Variants in EXOSC3 observed in about 807,000 individuals in gnomAD.
EXOSC3 encodes exosome complex component RRP40.
In EXOSC3, 18 loss-of-function variants were observed where a neutral mutation model predicts 25.1. The observed-to-expected ratio is 0.72, with a 90% CI of 0.50 to 1.06. EXOSC3 has a LOEUF of 1.06. Among genes scored for constraint, EXOSC3 ranks in the 50% least tolerant of loss-of-function variants. EXOSC3 has a pLI of 0.00. For missense variants in EXOSC3, 382 were observed against 350.9 expected, an observed-to-expected ratio of 1.09 and a Z score of -0.71; for synonymous variants, 165 against 132.2, an observed-to-expected ratio of 1.25 and a Z score of -1.70.
chr9:37,782,915 T>TA (rs1370719150), intron 2 of EXOSC3, among the ~76,000 whole-genome samples: 2 of 152,160 alleles, frequency 1.3e-5, no homozygotes, highest in African/African-American at 4.8e-5. Context: ...AGAGCAAAGA[T>TA]ACGAGAAAAG....
intron 3 of EXOSC3, 62 bp from the exon 4 acceptor site, chr9:37,780,942 CT>C: frequency 7.1e-7 from 1 of 1,408,074 alleles, no homozygotes; most frequent in South Asian, 1.2e-5. Flanking sequence ...CCGGAGTCTC[CT>C]TTAGAATGTG....
chr9:37,784,859 C>T lies in EXOSC3; in HGVS notation c.186G>A (p.Arg62=), dbSNP rs1182020703. Residue 62 remains arginine (R), a synonymous_variant, in exon 1 of 4, where the codon CGG becomes CGA. Transcript: ENST00000327304. ...GGCCCGGACCGCATACAACGCGCAC[C>T]CGCGAGCACGCTCTAGCATTCAGGC... is the stretch of plus-strand genomic sequence containing the variant. ...PLSLNARACS[R]VRVVCGPGLR... The T allele has an allele frequency of 1.2e-6, 2 of 1,607,880 alleles. No individual in the cohort carries two copies. The highest frequency in any genetic ancestry group is 3.4e-5 in the Admixed American group (2 of 59,132).
chr9:37,780,835 G>C lies in EXOSC3; in HGVS notation c.672C>G (p.Leu224=), dbSNP rs1195084367. ...TTCCAAATACTATCTCCAGTGGATAGAGTTTTCCCACTTCCTGTATGATTT... is the reference window on the plus strand; with the variant it reads ...TTCCAAATACTATCTCCAGTGGATACAGTTTTCCCACTTCCTGTATGATTT... ...DCEIIQEVGK[L]YPLEIVFGMN... The change falls in exon 4 of 4, where the codon CTC becomes CTG. Residue 224 remains leucine (L), a synonymous_variant. Coordinates refer to ENST00000327304, the MANE Select transcript of EXOSC3 (RefSeq NM_016042.4). 5.0e-6 allele frequency: 8 copies of C among 1,613,496 alleles called. No homozygotes were observed. The South Asian group carries it at 6.6e-5, about 13-fold the overall frequency.
rs769410295 is a variant in EXOSC3, at chr9:37,785,054, C to T, written c.-10G>A. ...ACGCAGGTTCGGCCATCGCGGGCTC[C>T]ACCAAACACCGTTTCCGGTACCCGC... On this transcript the variant is annotated 5_prime_UTR_variant, in exon 1 of 4. Coordinates refer to ENST00000327304, the MANE Select transcript of EXOSC3 (RefSeq NM_016042.4). 1.1e-5 allele frequency: 18 copies of T among 1,586,330 alleles called. No individual in the cohort carries two copies. In the Admixed American group the frequency reaches 2.9e-4, roughly 25 times the overall value.
Position 37,780,681 on chromosome 9 carries a change from A to G in EXOSC3, c.826T>C (p.Ter276ArgextTer10), listed in dbSNP as rs1380136553. The G allele has an allele frequency of 6.2e-7, 1 of 1,613,054 alleles. No individual in the cohort carries two copies. The highest frequency in any genetic ancestry group is 2.2e-5 in the East Asian group (1 of 44,868). Residue 276 changes from the stop codon to arginine (R), a stop_lost, in exon 4 of 4, where the codon TGA becomes CGA. Coordinates refer to ENST00000327304, the MANE Select transcript of EXOSC3 (RefSeq NM_016042.4). ...ACCTGTAAAAAAGTCCACCTATATC[A>G]ACTTTCTGCCAATCTGGAGAAGATC... The part of the protein sequence containing the change: ...KQIFSRLAES[*>R]
chr9:37,780,926 G>C (rs1368069799), intron 3 of EXOSC3, 46 bp from the exon 4 acceptor site: 1 of 1,527,234 alleles, frequency 6.5e-7, no homozygotes, highest in South Asian at 1.2e-5. Flanking sequence ...AGTGGCAAAG[G>C]TGTGTCCGGA....
chr9:37,781,437 C>G (rs1170896335), intron 3 of EXOSC3, among the ~76,000 whole-genome samples: 2 of 149,074 alleles, frequency 1.3e-5, no homozygotes, highest in Non-Finnish European at 3.0e-5. Context: ...GAGTAAAGCC[C>G]CTGAATATGG....
At chr9:37,781,226 T>C (rs1378612484) in intron 3 of EXOSC3, among the ~76,000 whole-genome samples, 2 of 152,000 alleles carry the variant, frequency 1.3e-5, no homozygotes, top group Non-Finnish European at 2.9e-5. Context: ...CTTATTTTCC[T>C]GGCCATATTA....
rs1394905113 is a variant in EXOSC3, at chr9:37,784,483, C to T, written c.324+238G>A. On this transcript the variant is annotated intron_variant, in intron 1 of 3. Coordinates refer to ENST00000327304, the MANE Select transcript of EXOSC3 (RefSeq NM_016042.4). The stretch of plus-strand genomic sequence containing the variant: ...CAGGCCTGCTGTGGGGTTTTGAAGA[C>T]TATAATCATGACTCACGGTCTCCAA... 5.1e-6 allele frequency: 3 copies of T among 585,298 alleles called. No individual in the cohort carries two copies. In the South Asian group the frequency reaches 6.9e-5, roughly 14 times the overall value. 36.3% of individuals were successfully genotyped at this position (585,298 alleles called of 1,614,324 possible). A position where few individuals can be genotyped will look rare whatever the true frequency, so the allele number is the denominator to read the frequency against.
chr9:37,784,539 G>T (rs1469232320), intron 1 of EXOSC3, 182 bp downstream of exon 1: 1 of 702,262 alleles, frequency 1.4e-6, no homozygotes, highest in Non-Finnish European at 2.3e-6. Context: ...CCCTTCTCAG[G>T]CTATGTTCCT....
rs772977624 is a variant in EXOSC3 at position 37,780,865 on chromosome 9, A to G, written c.642T>C (p.Asp214=). 14 of 1,613,138 alleles carry G rather than the reference A, an allele frequency of 8.7e-6. No homozygotes were observed. Among genetic ancestry groups the G allele is most frequent in the South Asian group, 7.7e-5 (7 of 91,042 alleles). The change falls in exon 4 of 4, where the codon GAT becomes GAC. Residue 214 remains aspartate, a synonymous_variant. Transcript: ENST00000327304. ...TTCCCACTTCCTGTATGATTTCACAATCTGGAGCTAATAGCCTGGTGGGAA... is the reference window on the plus strand; with the variant it reads ...TTCCCACTTCCTGTATGATTTCACAGTCTGGAGCTAATAGCCTGGTGGGAA... ...LGLIRKLLAP[D]CEIIQEVGKL...
In EXOSC3 at chr9:37,784,073, G is replaced by T. The variant is rs753133011; in HGVS notation, c.325-10C>A. On this transcript the variant is annotated splice_polypyrimidine_tract_variant and intron_variant, in intron 1 of 3. Coordinates refer to ENST00000327304, the MANE Select transcript of EXOSC3 (RefSeq NM_016042.4). ...CTTTTACTGGAACATACTACAAAAA[G>T]AAACAGAATGAAAAAACAGCCATAA... 2 of 1,597,612 alleles carry T rather than the reference G, an allele frequency of 1.3e-6. No individual in the cohort carries two copies. The highest frequency in any genetic ancestry group is 4.5e-5 in the East Asian group (2 of 44,146).
In EXOSC3 at chr9:37,779,813, G is replaced by A. The variant is rs1828521277; in HGVS notation, c.*866C>T. 2 of 152,082 alleles carry A rather than the reference G, an allele frequency of 1.3e-5. No individual in the cohort carries two copies. The highest frequency in any genetic ancestry group is 4.8e-5 in the African/African-American group (2 of 41,426). 9.4% of individuals were successfully genotyped at this position (152,082 alleles called of 1,614,324 possible). ...GATCTGTATCTCACATATTCTCAGAGGTCTAGAAACCAAGAATCACTGATG... is the reference window on the plus strand; with the variant it reads ...GATCTGTATCTCACATATTCTCAGAAGTCTAGAAACCAAGAATCACTGATG... On this transcript the variant is annotated 3_prime_UTR_variant, in exon 4 of 4. Transcript: ENST00000327304.
chr9:37,784,980 G>T lies in EXOSC3; in HGVS notation c.65C>A (p.Thr22Lys). ...CGGGAGCACCACCTGACCTAGTACT[G>T]TGCGTGCAGCGCGCGCCCTGCTGCC... Reference protein sequence around the residue: ...LAGSRARAARTVLGQVVLPGE... With the variant: ...LAGSRARAARKVLGQVVLPGE... The change falls in exon 1 of 4, where the codon ACA becomes AAA. Residue 22 changes from threonine to lysine, a missense_variant. Coordinates refer to ENST00000327304, the MANE Select transcript of EXOSC3 (RefSeq NM_016042.4). The T allele has an allele frequency of 6.2e-7, 1 of 1,611,696 alleles. No individual in the cohort carries two copies. The highest frequency in any genetic ancestry group is 1.7e-5 in the Admixed American group (1 of 59,970).
rs778368932 is a variant in EXOSC3 at position 37,780,664 on chromosome 9, A to G, written c.*15T>C. 10 of 1,611,402 alleles carry G rather than the reference A, an allele frequency of 6.2e-6. No homozygotes were observed. The highest frequency in any genetic ancestry group is 8.5e-6 in the Non-Finnish European group (10 of 1,179,192). On this transcript the variant is annotated 3_prime_UTR_variant, in exon 4 of 4. Coordinates refer to ENST00000327304, the MANE Select transcript of EXOSC3 (RefSeq NM_016042.4). ...GTTTTTTGCCTCAACTGACCTGTAA[A>G]AAAGTCCACCTATATCAACTTTCTG...
In EXOSC3 at chr9:37,784,722, C is replaced by A; in HGVS notation, c.323G>T (p.Arg108Leu). The A allele has an allele frequency of 6.3e-7, 1 of 1,588,636 alleles. No homozygotes were observed. Among genetic ancestry groups the A allele is most frequent in the Non-Finnish European group, 8.5e-7 (1 of 1,170,518 alleles). ...GVYWVDSQQKRYVPVKGDHVI... is the reference protein window; with the variant it reads ...GVYWVDSQQKLYVPVKGDHVI... The stretch of plus-strand genomic sequence containing the variant: ...CACCCCTCCGGAGTCCCAGCTCACC[C>A]GCTTCTGCTGAGAGTCCACCCAGTA... The change falls in exon 1 of 4, where the codon CGG becomes CTG. Residue 108 changes from arginine to leucine, a missense_variant and splice_region_variant. Physicochemically the swap from Arg to Leu is moderately radical, Grantham distance 102. Transcript: ENST00000327304.
chr9:37,782,380 T>C (rs1828615291), intron 2 of EXOSC3, among the ~76,000 whole-genome samples: 2 of 152,198 alleles, frequency 1.3e-5, no homozygotes, highest in South Asian at 4.1e-4. Flanking sequence ...CAGAGAACAC[T>C]AGGATTGCAC....
chr9:37,782,487 A>C (rs1172493523), intron 2 of EXOSC3, among the ~76,000 whole-genome samples: 1 of 152,240 alleles, frequency 6.6e-6, no homozygotes, highest in East Asian at 1.9e-4. Context: ...CCACATTTCA[A>C]GTGCTCAACA....
rs1828647218 is a variant in EXOSC3 at position 37,783,978 on chromosome 9, T to C, written c.410A>G (p.Glu137Gly). Residue 137 changes from glutamate (E) to glycine (G), a missense_variant, in exon 2 of 4, where the codon GAG (glutamate) becomes GGG (glycine). Glu to Gly is a moderately conservative substitution (Grantham distance 98). Coordinates refer to ENST00000327304, the MANE Select transcript of EXOSC3 (RefSeq NM_016042.4). ...DIFKVDVGGS[E>G]PASLSYLSFE... ...TGACAAGTAAGACAAAGAAGCTGGC[T>C]CACTCCCTCCAACATCAACTTTGAA... 6.2e-7 allele frequency: 1 copy of C among 1,613,854 alleles called. No homozygotes were observed. Among genetic ancestry groups the C allele is most frequent in the Admixed American group, 1.7e-5 (1 of 60,000 alleles).
Sources: gnomAD v4.1 joint callset for allele counts (sites outside exome capture counted in the v4.1 genomes callset) on GRCh38, gnomAD v4.1.1 for gene constraint, MANE v1.5 for transcripts, NCBI Gene and HGNC (gene_info 2026-07-23, HGNC 2026-07-21) for gene names.